Variants in CATSPERG observed in about 807,000 individuals in gnomAD.
CATSPERG encodes the protein cation channel sperm-associated auxiliary subunit gamma.
A neutral mutation model predicts 145.0 loss-of-function variants in CATSPERG; 115 were observed. The ratio of observed to expected loss-of-function variants is 0.79; its 90% confidence interval spans 0.68 to 0.93. The LOEUF is 0.93. Among genes scored for constraint, CATSPERG ranks in the 40% least tolerant of loss-of-function variants. The pLI, the probability that CATSPERG is intolerant of heterozygous loss-of-function variation, is 0.00. For missense variants in CATSPERG, 1,296 were observed against 1,490.1 expected (o/e 0.87, Z 2.14); for synonymous variants, 588 against 589.0 (o/e 1.00, Z 0.02).
At chr19:38,364,729 G>T (rs943513129) in intron 20 of CATSPERG, among the ~76,000 whole-genome samples, 162 bp from the exon 21 acceptor site, 3 of 152,224 alleles carry the variant, frequency 2.0e-5, no homozygotes, top group African/African-American at 7.2e-5. Flanking sequence ...AGACCAGCCC[G>T]GCCAACACCC....
intron 20 of CATSPERG, among the ~76,000 whole-genome samples, chr19:38,363,342 A>G (rs1381326334): frequency 6.6e-6 from 1 of 151,834 alleles, no homozygotes; most frequent in Non-Finnish European, 1.5e-5. Context: ...ACCCAGCCTT[A>G]ACTTTTTATT....
intron 7 of CATSPERG, among the ~76,000 whole-genome samples, chr19:38,348,685 C>G (rs1970084544): frequency 6.6e-6 from 1 of 151,844 alleles, no homozygotes; most frequent in Non-Finnish European, 1.5e-5. Context: ...GTTGGCCAGG[C>G]TGGTCTCGAA....
chr19:38,342,854 C>T (rs1007098725), intron 3 of CATSPERG, among the ~76,000 whole-genome samples: 2 of 152,080 alleles, frequency 1.3e-5, no homozygotes, highest in African/African-American at 4.8e-5. Flanking sequence ...GCGCTCCCCA[C>T]CCTTTTCTAT....
In CATSPERG at chr19:38,367,146, TC is replaced by T. The variant is rs1970464432; in HGVS notation, c.2614-7del. 5.0e-6 allele frequency: 8 copies of T among 1,608,818 alleles called. No individual in the cohort carries two copies. Among genetic ancestry groups the T allele is most frequent in the Non-Finnish European group, 5.9e-6 (7 of 1,178,044 alleles). ...GGCCACCCCTGTGAGCCTTTTTTCC[TC>T]CCACCGAGGGCAACCTGATGGTGCC... On this transcript the variant is annotated splice_polypyrimidine_tract_variant and intron_variant, in intron 22 of 28. Coordinates refer to ENST00000409235, the MANE Select transcript of CATSPERG (RefSeq NM_021185.5).
At chr19:38,337,569 G>T in intron 2 of CATSPERG, 24 bp from the exon 3 acceptor site, 1 of 1,551,798 alleles carries the variant, frequency 6.4e-7, no homozygotes, top group Non-Finnish European at 8.7e-7. Flanking sequence ...ATTTCTGGAC[G>T]TGTGGCCTAA....
chr19:38,363,974 G>A (rs966299736), intron 20 of CATSPERG, among the ~76,000 whole-genome samples: 1 of 152,258 alleles, frequency 6.6e-6, no homozygotes, highest in African/African-American at 2.4e-5. Flanking sequence ...TCAATGAGCT[G>A]TTGGGCATAC....
At chr19:38,359,821 C>T in intron 14 of CATSPERG, 1 of 1,259,890 alleles carries the variant, frequency 7.9e-7, no homozygotes, top group African/African-American at 1.5e-5. Context: ...TTTCATCCCA[C>T]AGTGTGGTCG....
intron 6 of CATSPERG, among the ~76,000 whole-genome samples, chr19:38,345,447 T>A (rs960195915): frequency 6.9e-4 from 104 of 151,582 alleles, no homozygotes; most frequent in African/African-American, 2.5e-3. Context: ...CCTACCTCGG[T>A]CTCCCAAAGT....
Position 38,362,802 on chromosome 19 carries a change from C to T in CATSPERG, c.2445C>T (p.Val815=). The T allele has an allele frequency of 6.2e-7, 1 of 1,613,674 alleles. No individual in the cohort carries two copies. The highest frequency in any genetic ancestry group is 8.5e-7 in the Non-Finnish European group (1 of 1,179,906). Reference sequence around the variant, plus strand: ...TCGAGGCCTCGGTGAAGCAGGAGGTCCTGATTAATCGCAACTCGGTGCTAT... The same window carrying T: ...TCGAGGCCTCGGTGAAGCAGGAGGTTCTGATTAATCGCAACTCGGTGCTAT... ...GCIEASVKQE[V]LINRNSVLFS... Residue 815 remains valine, a synonymous_variant, in exon 20 of 29, where the codon GTC becomes GTT. Coordinates refer to ENST00000409235, the MANE Select transcript of CATSPERG (RefSeq NM_021185.5).
intron 20 of CATSPERG, among the ~76,000 whole-genome samples, chr19:38,363,609 G>T (rs921636590): frequency 6.6e-6 from 1 of 151,586 alleles, no homozygotes; most frequent in Non-Finnish European, 1.5e-5. Context: ...GAGGACCCTG[G>T]GGCCTTCCGC....
At position 38,356,867 on chromosome 19, in the gene CATSPERG, G is replaced by A. The variant is rs375444012; in HGVS notation, c.1315+6G>A. On this transcript the variant is annotated splice_donor_region_variant and intron_variant, in intron 11 of 28. Transcript: ENST00000409235. Reference sequence around the variant, plus strand: ...GGTGGTCAGCTACAACACAGGTAATGAGGGTGATGCAAGGGGCTGGGCACA... The same window carrying A: ...GGTGGTCAGCTACAACACAGGTAATAAGGGTGATGCAAGGGGCTGGGCACA... The A allele has an allele frequency of 1.9e-6, 3 of 1,613,794 alleles. No individual in the cohort carries two copies. Among genetic ancestry groups the A allele is most frequent in the African/African-American group, 1.3e-5 (1 of 74,916 alleles).
chr19:38,340,997 G>C (rs1471558333), intron 3 of CATSPERG, among the ~76,000 whole-genome samples: 1 of 152,204 alleles, frequency 6.6e-6, no homozygotes, highest in Non-Finnish European at 1.5e-5. Context: ...AGGAGAGCCA[G>C]GTAAAGCTTT....
chr19:38,358,377 G>A, intron 12 of CATSPERG, 49 bp downstream of exon 12: 4 of 1,613,936 alleles, frequency 2.5e-6, no homozygotes, highest in Non-Finnish European at 3.4e-6. Context: ...GGGCCAGGAG[G>A]GGCCCAGGTG....
At chr19:38,336,613 A>AGGGG in intron 1 of CATSPERG, 2 of 236,184 alleles carry the variant, frequency 8.5e-6, no homozygotes, top group Non-Finnish European at 1.7e-5. Context: ...GAGCGAGGAG[A>AGGGG]AAGCGGCGAT....
chr19:38,361,794 A>C lies in CATSPERG; in HGVS notation c.2027A>C (p.Glu676Ala). The C allele has an allele frequency of 6.2e-7, 1 of 1,613,030 alleles. No homozygotes were observed. ...RVLERSGFHN[E>A]NSLAIYQGLV... is the part of the protein sequence containing the mutation. ...CTGGAGCGCTCGGGCTTCCACAACGAGAACTCGCTCGCCATCTACCAGGGC... is the reference window on the plus strand; with the variant it reads ...CTGGAGCGCTCGGGCTTCCACAACGCGAACTCGCTCGCCATCTACCAGGGC... Residue 676 changes from glutamate to alanine, a missense_variant, in exon 17 of 29, where the codon GAG (glutamate) becomes GCG (alanine). Coordinates refer to ENST00000409235, the MANE Select transcript of CATSPERG (RefSeq NM_021185.5).
intron 3 of CATSPERG, among the ~76,000 whole-genome samples, chr19:38,338,014 G>A (rs1969873345): frequency 6.6e-6 from 1 of 152,118 alleles, no homozygotes; most frequent in Non-Finnish European, 1.5e-5. Context: ...ACCGTGCCTG[G>A]CCCCCATCTC....
At chr19:38,351,463 C>T (rs1352494832) in intron 7 of CATSPERG, among the ~76,000 whole-genome samples, 1 of 152,086 alleles carries the variant, frequency 6.6e-6, no homozygotes, top group African/African-American at 2.4e-5. Context: ...AAAAAATTAG[C>T]CAGGCTTGGT....
chr19:38,347,601 A>G (rs1167429783), intron 7 of CATSPERG, among the ~76,000 whole-genome samples: 1 of 152,208 alleles, frequency 6.6e-6, no homozygotes, highest in African/African-American at 2.4e-5. Flanking sequence ...GTGCAGCTAC[A>G]GGAGAACGCC....
At chr19:38,361,885 C>A (rs1600477151) in intron 17 of CATSPERG, 24 bp downstream of exon 17, 4 of 1,580,582 alleles carry the variant, frequency 2.5e-6, no homozygotes, top group East Asian at 2.3e-5. Flanking sequence ...GGCGGGCGGG[C>A]AGGCCTGAGA....
Sources: allele counts gnomAD v4.1 joint callset (sites outside exome capture counted in the v4.1 genomes callset), GRCh38; gene constraint gnomAD v4.1.1; transcripts MANE v1.5; gene names NCBI Gene and HGNC (gene_info 2026-07-23, HGNC 2026-07-21).